The following ZNF618 variants were observed in gnomAD, a reference collection of about 807,000 sequenced individuals.
The protein encoded by ZNF618 is zinc finger protein 618.
In ZNF618, 34 loss-of-function variants were observed where a neutral mutation model predicts 103.0. That is an observed-to-expected ratio of 0.33 (90% CI 0.25 to 0.44). ZNF618 has a LOEUF of 0.44. ZNF618 is among the 20% of genes least tolerant of loss of function. The pLI is 1.00. For missense variants in ZNF618, 1,059 were observed against 1,295.4 expected, an observed-to-expected ratio of 0.82 and a Z score of 2.80; for synonymous variants, 551 against 542.2, an observed-to-expected ratio of 1.02 and a Z score of -0.23.
intron 2 of ZNF618, among the ~76,000 whole-genome samples, chr9:113,976,881 A>G (rs1838521018): frequency 6.6e-6 from 1 of 152,186 alleles, no homozygotes; most frequent in Non-Finnish European, 1.5e-5. Flanking sequence ...GGCACTTTAC[A>G]TCCATCCATC....
chr9:113,984,391 C>G (rs548865651), intron 2 of ZNF618, among the ~76,000 whole-genome samples: 7 of 152,278 alleles, frequency 4.6e-5, no homozygotes, highest in African/African-American at 1.4e-4. Context: ...CTGTGCCCAC[C>G]CCTGCAGCTA....
rs1457536817 is a variant in ZNF618, at chr9:113,951,451, G to GTGTA, written c.34-17665_34-17664insGTAT. Among the ~76,000 whole-genome samples the GTGTA allele has an allele frequency of 5.6e-4, 6 of 10,652 alleles. 1 individual carries two copies. The highest frequency in any genetic ancestry group is 8.1e-4 in the Non-Finnish European group (4 of 4,958). The allele number at this position is 10,652 out of a possible 152,430, so 7.0% of individuals were successfully genotyped here. On this transcript the variant is annotated intron_variant, in intron 1 of 14. Transcript: ENST00000374126. ...TGTGTGTATATATATACATATATGT[G>GTGTA]TATATATACATATATGTGTGTATGT...
rs372290471 is a variant in ZNF618, at chr9:114,049,886, G to A, written c.2584G>A (p.Ala862Thr). Residue 862 changes from alanine to threonine, a missense_variant, in exon 15 of 15, where the codon GCA (alanine) becomes ACA (threonine). Coordinates refer to ENST00000374126, the MANE Select transcript of ZNF618 (RefSeq NM_001318042.2). ...CCGCTCTGCTGCCGTCGAGAACCCC[G>A]CAGCTCAGGAAGATGATCGGCTAGG... ...KPRSAAVENP[A>T]AQEDDRLGKN... 8.1e-6 allele frequency: 13 copies of A among 1,613,782 alleles called. No homozygotes were observed. Among genetic ancestry groups the A allele is most frequent in the African/African-American group, 2.7e-5 (2 of 74,936 alleles).
chr9:113,928,473 C>T (rs1833288163), intron 1 of ZNF618, among the ~76,000 whole-genome samples: 1 of 152,098 alleles, frequency 6.6e-6, no homozygotes, highest in South Asian at 2.1e-4. Context: ...TTTAGAATAC[C>T]ATGTAATTTT....
chr9:113,883,434 C>T (rs1289686851), intron 1 of ZNF618, among the ~76,000 whole-genome samples: 1 of 152,152 alleles, frequency 6.6e-6, no homozygotes, highest in South Asian at 2.1e-4. Flanking sequence ...ATAGCAGTGC[C>T]CTGTATTTAT....
intron 2 of ZNF618, among the ~76,000 whole-genome samples, chr9:113,987,017 T>G (rs4979310): frequency 0.31 from 46,596 of 152,118 alleles, 7,903 homozygotes; most frequent in East Asian, 0.61. Context: ...TGTGCTGCAG[T>G]TGGAATGCTG....
intron 1 of ZNF618, among the ~76,000 whole-genome samples, chr9:113,947,441 C>T (rs1835150187): frequency 6.6e-6 from 1 of 152,202 alleles, no homozygotes; most frequent in South Asian, 2.1e-4. Flanking sequence ...TGACATATGA[C>T]ACCAGCCAGG....
At chr9:113,939,631 T>C (rs952126005) in intron 1 of ZNF618, among the ~76,000 whole-genome samples, 1 of 152,124 alleles carries the variant, frequency 6.6e-6, no homozygotes, top group African/African-American at 2.4e-5. Context: ...AATTCAAATT[T>C]CTTCCTCTAA....
rs1205500407 is a variant in ZNF618 at position 114,036,318 on chromosome 9, C to G, written c.1187C>G (p.Ala396Gly). 6.3e-7 allele frequency: 1 copy of G among 1,579,374 alleles called. No homozygotes were observed. Among genetic ancestry groups the G allele is most frequent in the Non-Finnish European group, 8.6e-7 (1 of 1,161,878 alleles). ...QNSSEPYTCG[A>G]CGIQFQFYNN... ...CCTCCAGAACCCTACACCTGCGGCGCCTGTGGGATCCAGTTCCAGTTCTAC... is the reference window on the plus strand; with the variant it reads ...CCTCCAGAACCCTACACCTGCGGCGGCTGTGGGATCCAGTTCCAGTTCTAC... The change falls in exon 13 of 15, where the codon GCC becomes GGC. Residue 396 changes from alanine (A) to glycine (G), a missense_variant. Ala to Gly is a moderately conservative substitution (Grantham distance 60). This residue lies in a region of ZNF618 where 434 missense variants were observed against 476.0 expected (regional missense o/e 0.91). Coordinates refer to ENST00000374126, the MANE Select transcript of ZNF618 (RefSeq NM_001318042.2).
chr9:113,998,108 A>C, intron 3 of ZNF618, 151 bp from the exon 4 acceptor site: 1 of 666,106 alleles, frequency 1.5e-6, no homozygotes. Context: ...GAACATGTGG[A>C]TGCCCCTTGG....
intron 1 of ZNF618, among the ~76,000 whole-genome samples, chr9:113,964,816 C>G (rs1324330604): frequency 3.6e-5 from 5 of 138,438 alleles, no homozygotes; most frequent in Non-Finnish European, 6.1e-5. Context: ...TACCAGTGCA[C>G]TAAATGTGAC....
chr9:114,032,723 C>G lies in ZNF618; in HGVS notation c.1163C>G (p.Ser388Cys). ...FEETNSSSQNSSEPYTCGACG... is the reference protein window; with the variant it reads ...FEETNSSSQNCSEPYTCGACG... The stretch of plus-strand genomic sequence containing the variant: ...GAGACGAACAGCAGTTCGCAGAACT[C>G]CAGCGGTGAGTGTGCCCCTTGACAG... Residue 388 changes from serine (S) to cysteine (C), a missense_variant, in exon 12 of 15, where the codon TCC becomes TGC. Physicochemically the swap from Ser to Cys is moderately radical, Grantham distance 112. Coordinates refer to ENST00000374126, the MANE Select transcript of ZNF618 (RefSeq NM_001318042.2). The G allele has an allele frequency of 2.5e-6, 4 of 1,614,004 alleles. No individual in the cohort carries two copies. The South Asian group carries it at 3.3e-5, about 13-fold the overall frequency.
At chr9:113,976,499 G>C (rs1838482790) in intron 2 of ZNF618, among the ~76,000 whole-genome samples, 1 of 152,172 alleles carries the variant, frequency 6.6e-6, no homozygotes, top group Admixed American at 6.5e-5. Flanking sequence ...GCTGACAAAA[G>C]AGAACATGCT....
chr9:113,876,451 A>C lies in ZNF618; in HGVS notation c.33+38A>C, dbSNP rs915167026. On this transcript the variant is annotated intron_variant, in intron 1 of 14. Transcript: ENST00000374126. Reference sequence around the variant, plus strand: ...GCCGGGGGCATGCACCGCGCGGGGGACCCCGGGGGGCCGGGGCCCGGGGCG... The same window carrying C: ...GCCGGGGGCATGCACCGCGCGGGGGCCCCCGGGGGGCCGGGGCCCGGGGCG... 189 of 1,189,398 alleles carry C rather than the reference A, an allele frequency of 1.6e-4. No homozygotes were observed. The African/African-American group carries it at 2.7e-3, about 17-fold the overall frequency. The allele number at this position is 1,189,398 out of a possible 1,614,324, so 73.7% of individuals were successfully genotyped here. A position where few individuals can be genotyped will look rare whatever the true frequency, so the allele number is the denominator to read the frequency against.
At chr9:114,017,003 C>T (rs1842700659) in intron 10 of ZNF618, 1 of 552,936 alleles carries the variant, frequency 1.8e-6, no homozygotes, top group South Asian at 2.3e-5. Context: ...GAGTCCGAGC[C>T]CTCCCTTAGT....
At chr9:114,031,382 G>A (rs537300571) in intron 11 of ZNF618, among the ~76,000 whole-genome samples, 1 of 152,354 alleles carries the variant, frequency 6.6e-6, no homozygotes, top group African/African-American at 2.4e-5. Context: ...CTGCAGGAAG[G>A]AGCCTGTGTC....
intron 1 of ZNF618, among the ~76,000 whole-genome samples, chr9:113,962,376 T>TC (rs879794276): frequency 7.2e-5 from 11 of 152,204 alleles, no homozygotes; most frequent in African/African-American, 2.2e-4. Flanking sequence ...GCCTTCTGTT[T>TC]CCCCCCTGGC....
chr9:113,983,410 G>A (rs1839151412), intron 2 of ZNF618, among the ~76,000 whole-genome samples: 1 of 152,200 alleles, frequency 6.6e-6, no homozygotes, highest in African/African-American at 2.4e-5. Context: ...GGAAGAGAAG[G>A]AAGTTGCCCA....
chr9:113,937,964 G>A (rs952572857), intron 1 of ZNF618, among the ~76,000 whole-genome samples: 2 of 152,060 alleles, frequency 1.3e-5, no homozygotes. Flanking sequence ...GTACCAGGGG[G>A]CTCTAAAAAT....
Sources: allele counts gnomAD v4.1 joint callset (sites outside exome capture counted in the v4.1 genomes callset), GRCh38; gene constraint gnomAD v4.1.1; regional missense constraint gnomAD v4.1.1; transcripts MANE v1.5; gene names NCBI Gene and HGNC (gene_info 2026-07-23, HGNC 2026-07-21).